The following MED28 variants were observed in gnomAD, a reference collection of about 807,000 sequenced individuals.
MED28 encodes mediator complex subunit 28.
In MED28, 26 loss-of-function variants were observed where a neutral mutation model predicts 21.3. The observed-to-expected ratio is 1.22, with a 90% CI of 0.89 to 1.69. MED28 has a LOEUF of 1.69. MED28 is among the 40% of genes most tolerant of loss of function. MED28 has a pLI of 0.00. For missense variants in MED28, 257 were observed against 215.4 expected (o/e 1.19, Z -1.21); for synonymous variants, 110 against 87.6 (o/e 1.26, Z -1.43).
At position 17,621,838 on chromosome 4, in the gene MED28, A is replaced by C. The variant is rs1714645326; in HGVS notation, c.339+139A>C. On this transcript the variant is annotated intron_variant, in intron 3 of 3. Coordinates refer to ENST00000237380, the MANE Select transcript of MED28 (RefSeq NM_025205.5). ...AGGTCAGTGTGAAATGTGGCTAGTC[A>C]TCCATGTTTGGGACAACCTGAACAA... is the stretch of plus-strand genomic sequence containing the variant. The C allele has an allele frequency of 3.4e-5, 22 of 652,932 alleles. 1 individual carries two copies. The South Asian group carries it at 4.2e-4, about 12-fold the overall frequency. The allele number at this position is 652,932 out of a possible 1,614,324, so 40.4% of individuals were successfully genotyped here. A position where few individuals can be genotyped will look rare whatever the true frequency, so the allele number is the denominator to read the frequency against.
intron 2 of MED28, among the ~76,000 whole-genome samples, chr4:17,620,354 G>GC (rs763337808): frequency 9.2e-5 from 13 of 141,228 alleles, no homozygotes; most frequent in Admixed American, 7.1e-5. Context: ...TATTTTACAT[G>GC]TTTTTTTTTT....
At chr4:17,616,115 C>T (rs1251544870) in intron 1 of MED28, among the ~76,000 whole-genome samples, 1 of 152,034 alleles carries the variant, frequency 6.6e-6, no homozygotes, top group Non-Finnish European at 1.5e-5. Context: ...CACCTGCCAC[C>T]ATGCTATTTT....
At chr4:17,615,781 G>C (rs1383571473) in intron 1 of MED28, among the ~76,000 whole-genome samples, 1 of 152,208 alleles carries the variant, frequency 6.6e-6, no homozygotes, top group East Asian at 1.9e-4. Context: ...TTGCACTCCA[G>C]CGTGGGTGAC....
Position 17,623,834 on chromosome 4 carries a change from G to C in MED28, c.*36G>C. ...GAGGCAGTTGGCCTATGAGTGGGCT[G>C]ATGCGTGAGGTTGGCCACACATTCC... On this transcript the variant is annotated 3_prime_UTR_variant, in exon 4 of 4. Transcript: ENST00000237380. 1 of 1,583,470 alleles carries C rather than the reference G, an allele frequency of 6.3e-7. No homozygotes were observed. The highest frequency in any genetic ancestry group is 8.6e-7 in the Non-Finnish European group (1 of 1,160,474).
intron 2 of MED28, among the ~76,000 whole-genome samples, chr4:17,621,263 C>T (rs150788116): frequency 0.016 from 2,419 of 152,228 alleles, 75 homozygotes; most frequent in African/African-American, 0.055. Flanking sequence ...TCGCCCACCT[C>T]GGCCTCCCAG....
rs548248576 is a variant in MED28, at chr4:17,619,430, A to G, written c.160-471A>G. Among the ~76,000 whole-genome samples, 5 of 152,350 alleles carry G rather than the reference A, an allele frequency of 3.3e-5. No homozygotes were observed. The East Asian group carries it at 7.7e-4, about 23-fold the overall frequency. On this transcript the variant is annotated intron_variant, in intron 1 of 3. Transcript: ENST00000237380. ...ATAATGGATGAAAATAATGGATATGATGTCAGTTAATTATGTGAAAAACAA... is the reference window on the plus strand; with the variant it reads ...ATAATGGATGAAAATAATGGATATGGTGTCAGTTAATTATGTGAAAAACAA...
In MED28 at chr4:17,631,279, T is replaced by C. The variant is rs984513526; in HGVS notation, c.*7481T>C. Reference sequence around the variant, plus strand: ...CTTGCCCAGGCTGGTCTCGAACTCTTGGGCTCATGCTGTCCTACCTCAGAC... The same window carrying C: ...CTTGCCCAGGCTGGTCTCGAACTCTCGGGCTCATGCTGTCCTACCTCAGAC... On this transcript the variant is annotated 3_prime_UTR_variant, in exon 4 of 4. Transcript: ENST00000237380. 9.2e-5 allele frequency: 14 copies of C among 152,242 alleles called. No individual in the cohort carries two copies. The highest frequency in any genetic ancestry group is 1.9e-4 in the Non-Finnish European group (13 of 68,086). The allele number at this position is 152,242 out of a possible 1,614,324, so 9.4% of individuals were successfully genotyped here.
In MED28 at chr4:17,627,448, C is replaced by CT. The variant is rs1267983753; in HGVS notation, c.*3654dup. On this transcript the variant is annotated 3_prime_UTR_variant, in exon 4 of 4. Coordinates refer to ENST00000237380, the MANE Select transcript of MED28 (RefSeq NM_025205.5). Reference sequence around the variant, plus strand: ...TTTCATGCATCTTCCCTTCTTTCCTCTTTTCTCCTCCACCCAAATGTCTTA... The same window carrying CT: ...TTTCATGCATCTTCCCTTCTTTCCTCTTTTTCTCCTCCACCCAAATGTCTTA... 35 of 151,814 alleles carry CT rather than the reference C, an allele frequency of 2.3e-4. No homozygotes were observed. Among genetic ancestry groups the CT allele is most frequent in the Middle Eastern group, 3.4e-3 (1 of 294 alleles). 9.4% of individuals were successfully genotyped at this position (151,814 alleles called of 1,614,324 possible).
rs1323606945 is a variant in MED28, at chr4:17,628,270, G to GTA, written c.*4473_*4474insAT. ...TGACAGCTGCCGTGTGTGTGTGTGT[G>GTA]TGTGTGTGTGTGTGTGTGTGTATGT... On this transcript the variant is annotated 3_prime_UTR_variant, in exon 4 of 4. Coordinates refer to ENST00000237380, the MANE Select transcript of MED28 (RefSeq NM_025205.5). 1 of 151,100 alleles carries GTA rather than the reference G, an allele frequency of 6.6e-6. No homozygotes were observed. The highest frequency in any genetic ancestry group is 1.5e-5 in the Non-Finnish European group (1 of 68,018). 9.4% of individuals were successfully genotyped at this position (151,100 alleles called of 1,614,324 possible).
chr4:17,621,637 T>A lies in MED28; in HGVS notation c.277T>A (p.Cys93Ser). ...TCTGGATATTGCAAGACAGACAGAA[T>A]GTTTTTTCTTACAAAAAAGATTGCA... The part of the protein sequence containing the change: ...KFLDIARQTE[C>S]FFLQKRLQLS... The change falls in exon 3 of 4, where the codon TGT becomes AGT. Residue 93 changes from cysteine to serine, a missense_variant. Transcript: ENST00000237380. 6.2e-7 allele frequency: 1 copy of A among 1,611,336 alleles called. No individual in the cohort carries two copies. Among genetic ancestry groups the A allele is most frequent in the Non-Finnish European group, 8.5e-7 (1 of 1,179,454 alleles).
rs1192908537 is a variant in MED28, at chr4:17,623,762, A to G, written c.501A>G (p.Ala167=). The G allele has an allele frequency of 6.2e-7, 1 of 1,614,036 alleles. No homozygotes were observed. Among genetic ancestry groups the G allele is most frequent in the African/African-American group, 1.3e-5 (1 of 74,956 alleles). ...PQGSLAYLEQ[A]SANIPAPLKP... is the part of the protein sequence containing the mutation. ...GCTCCTTGGCCTACCTGGAGCAGGCATCTGCCAACATCCCTGCACCTCTGA... is the reference window on the plus strand; with the variant it reads ...GCTCCTTGGCCTACCTGGAGCAGGCGTCTGCCAACATCCCTGCACCTCTGA... Residue 167 remains alanine, a synonymous_variant, in exon 4 of 4, where the codon GCA becomes GCG. Transcript: ENST00000237380.
Position 17,632,238 on chromosome 4 carries a change from C to T in MED28, c.*8440C>T, listed in dbSNP as rs1055024398. Reference sequence around the variant, plus strand: ...CACAGGCACACGCCACCATGCCTGGCTAATTTTTGTATATTTTGTAGAGAT... The same window carrying T: ...CACAGGCACACGCCACCATGCCTGGTTAATTTTTGTATATTTTGTAGAGAT... On this transcript the variant is annotated 3_prime_UTR_variant, in exon 4 of 4. Coordinates refer to ENST00000237380, the MANE Select transcript of MED28 (RefSeq NM_025205.5). The T allele has an allele frequency of 6.1e-5, 11 of 179,520 alleles. No homozygotes were observed. The highest frequency in any genetic ancestry group is 1.1e-4 in the Non-Finnish European group (9 of 84,528). The allele number at this position is 179,520 out of a possible 1,614,324, so 11.1% of individuals were successfully genotyped here.
At chr4:17,617,485 T>G (rs1217130331) in intron 1 of MED28, among the ~76,000 whole-genome samples, 1 of 152,212 alleles carries the variant, frequency 6.6e-6, no homozygotes, top group Non-Finnish European at 1.5e-5. Context: ...CCTCCATTCA[T>G]AGGTAGAGAA....
At chr4:17,622,426 G>C (rs376626139) in intron 3 of MED28, among the ~76,000 whole-genome samples, 11 of 152,328 alleles carry the variant, frequency 7.2e-5, no homozygotes, top group South Asian at 2.1e-4. Flanking sequence ...TATCATGTCA[G>C]ATCATTTCCT....
At position 17,625,876 on chromosome 4, in the gene MED28, T is replaced by G. The variant is rs1714760920; in HGVS notation, c.*2078T>G. On this transcript the variant is annotated 3_prime_UTR_variant, in exon 4 of 4. Coordinates refer to ENST00000237380, the MANE Select transcript of MED28 (RefSeq NM_025205.5). ...TTCTGGTCTGGCTTGGTGCTTGACC[T>G]TAGGTCTGCCCACAGGCTTCAGGCT... is the stretch of plus-strand genomic sequence containing the variant. 1 of 216,830 alleles carries G rather than the reference T, an allele frequency of 4.6e-6. No individual in the cohort carries two copies. The highest frequency in any genetic ancestry group is 5.9e-5 in the Admixed American group (1 of 16,928). 13.4% of individuals were successfully genotyped at this position (216,830 alleles called of 1,614,324 possible). A position where few individuals can be genotyped will look rare whatever the true frequency, so the allele number is the denominator to read the frequency against.
At chr4:17,622,818 G>T (rs1714672689) in intron 3 of MED28, among the ~76,000 whole-genome samples, 1 of 152,184 alleles carries the variant, frequency 6.6e-6, no homozygotes, top group South Asian at 2.1e-4. Context: ...GAAGGTGAAA[G>T]ACACATCTCA....
rs1715034639 is a variant in MED28, at chr4:17,633,705, C to T, written c.*9907C>T. On this transcript the variant is annotated 3_prime_UTR_variant, in exon 4 of 4. Transcript: ENST00000237380. ...CCCCCAAACCTTGTGGCAGTTTTTG[C>T]ATCTGTAGACTGGTTGGGTTTGTAG... The T allele has an allele frequency of 3.9e-6, 6 of 1,534,498 alleles. No homozygotes were observed. The highest frequency in any genetic ancestry group is 3.7e-5 in the South Asian group (3 of 81,862).
rs759426356 is a variant in MED28, at chr4:17,614,700, C to G, written c.46C>G (p.Pro16Ala). Residue 16 changes from proline (P) to alanine (A), a missense_variant, in exon 1 of 4, where the codon CCC becomes GCC. Physicochemically the swap from Pro to Ala is conservative, Grantham distance 27. Coordinates refer to ENST00000237380, the MANE Select transcript of MED28 (RefSeq NM_025205.5). ...TATGTTTTCTGGGCAGCCACCCGGT[C>G]CCCCTCAGGCCCCGCCGGGCCTTCC... is the stretch of plus-strand genomic sequence containing the variant. ...GGMFSGQPPG[P>A]PQAPPGLPGQ... is the part of the protein sequence containing the mutation. The G allele has an allele frequency of 5.0e-6, 8 of 1,614,048 alleles. No homozygotes were observed. In the African/African-American group the frequency reaches 5.3e-5, roughly 11 times the overall value.
intron 3 of MED28, among the ~76,000 whole-genome samples, chr4:17,622,357 A>G (rs965093096): frequency 1.3e-5 from 2 of 152,180 alleles, no homozygotes; most frequent in African/African-American, 4.8e-5. Context: ...GTCCCAATTA[A>G]TCAAAAAGTC....
Sources: allele counts gnomAD v4.1 joint callset (sites outside exome capture counted in the v4.1 genomes callset), GRCh38; gene constraint gnomAD v4.1.1; transcripts MANE v1.5; gene names NCBI Gene and HGNC (gene_info 2026-07-23, HGNC 2026-07-21).